Variants in PPARGC1A observed in about 807,000 individuals in gnomAD.
PPARGC1A encodes PPARG coactivator 1 alpha.
In PPARGC1A, 25 loss-of-function variants were observed where a neutral mutation model predicts 88.7. The observed-to-expected ratio is 0.28, with a 90% confidence interval of 0.21 to 0.39. The LOEUF (loss-of-function observed/expected upper bound fraction) is 0.39. Among genes scored for constraint, PPARGC1A ranks in the 10% least tolerant of loss-of-function variants. The pLI, the probability that PPARGC1A is intolerant of heterozygous loss-of-function variation, is 1.00. For missense variants in PPARGC1A, 880 were observed against 968.7 expected, an observed-to-expected ratio of 0.91 and a Z score of 1.22; for synonymous variants, 363 against 355.6, an observed-to-expected ratio of 1.02 and a Z score of -0.24.
chr4:24,146,280 A>G, the PPARGC1A span, among the ~76,000 whole-genome samples: 2 of 152,260 alleles, frequency 1.3e-5, no homozygotes, highest in African/African-American at 2.4e-5. Context: ...ATGCAAAACC[A>G]AAGTACAGAC....
At chr4:24,383,024 G>A in the PPARGC1A span, among the ~76,000 whole-genome samples, 3 of 152,342 alleles carry the variant, frequency 2.0e-5, no homozygotes, top group African/African-American at 4.8e-5. Context: ...AGCTTCCAGA[G>A]GAAGGAACGG....
At chr4:23,857,677 A>C (rs1262110286) in intron 2 of PPARGC1A, among the ~76,000 whole-genome samples, 2 of 151,592 alleles carry the variant, frequency 1.3e-5, no homozygotes, top group Non-Finnish European at 2.9e-5. Context: ...AATGCACCAC[A>C]CTTTCCTTTC....
chr4:23,876,978 A>T (rs1714827590), intron 2 of PPARGC1A, among the ~76,000 whole-genome samples: 1 of 152,172 alleles, frequency 6.6e-6, no homozygotes, highest in African/African-American at 2.4e-5. Flanking sequence ...AGAATCTGAA[A>T]CTGTGCAAAT....
chr4:24,265,574 C>T, the PPARGC1A span, among the ~76,000 whole-genome samples: 5 of 152,020 alleles, frequency 3.3e-5, no homozygotes, highest in African/African-American at 7.2e-5. Flanking sequence ...AACAGAAAAT[C>T]GATGCCGGGG....
At chr4:24,092,350 A>C in the PPARGC1A span, among the ~76,000 whole-genome samples, 1 of 152,176 alleles carries the variant, frequency 6.6e-6, no homozygotes, top group Non-Finnish European at 1.5e-5. Flanking sequence ...AGCACTTCAC[A>C]TGCAGAATGA....
the PPARGC1A span, among the ~76,000 whole-genome samples, chr4:24,185,547 A>C: frequency 6.6e-6 from 1 of 152,098 alleles, no homozygotes; most frequent in Admixed American, 6.5e-5. Context: ...TTCTCCCCTC[A>C]CCAGTACGAG....
chr4:24,197,811 A>G, the PPARGC1A span, among the ~76,000 whole-genome samples: 1 of 152,348 alleles, frequency 6.6e-6, no homozygotes, highest in African/African-American at 2.4e-5. Flanking sequence ...CCTTCTTCAC[A>G]GACCTGATGA....
chr4:24,189,240 T>C, the PPARGC1A span, among the ~76,000 whole-genome samples: 1 of 152,038 alleles, frequency 6.6e-6, no homozygotes, highest in South Asian at 2.1e-4. Flanking sequence ...GCTGCAAAAA[T>C]TACAAATATA....
At chr4:23,974,808 T>TTTTTTTTTTTTTTTTTTTTTTTTTTG in the PPARGC1A span, among the ~76,000 whole-genome samples, 1 of 128,568 alleles carries the variant, frequency 7.8e-6, no homozygotes, top group East Asian at 2.3e-4. Context: ...AATTTTTTTT[T>TTTTTTTTTTTTTTTTTTTTTTTTTTG]TTTTTTTTTT....
chr4:23,849,459 A>C (rs1728889570), intron 2 of PPARGC1A, among the ~76,000 whole-genome samples: 1 of 152,196 alleles, frequency 6.6e-6, no homozygotes, highest in East Asian at 1.9e-4. Context: ...AAAAAGGCTC[A>C]CAGATATTGC....
the PPARGC1A span, among the ~76,000 whole-genome samples, chr4:24,036,997 C>G: frequency 6.6e-6 from 1 of 152,142 alleles, no homozygotes; most frequent in Non-Finnish European, 1.5e-5. Flanking sequence ...ACAAGCATGT[C>G]TCAAGAGCTT....
the PPARGC1A span, chr4:24,091,729 A>T: frequency 1.3e-6 from 1 of 763,514 alleles, no homozygotes; most frequent in African/African-American, 1.9e-5. Context: ...CTACCCAGAC[A>T]GATGCCAACT....
intron 2 of PPARGC1A, among the ~76,000 whole-genome samples, chr4:23,832,342 G>A (rs533692770): frequency 3.3e-5 from 5 of 152,024 alleles, no homozygotes; most frequent in East Asian, 1.9e-4. Flanking sequence ...CATAAATCTC[G>A]AACTGCCTAC....
At chr4:24,013,955 A>G in the PPARGC1A span, among the ~76,000 whole-genome samples, 1 of 152,212 alleles carries the variant, frequency 6.6e-6, no homozygotes, top group Admixed American at 6.5e-5. Context: ...TGAACAGGAA[A>G]GAGCATTAAA....
intron 2 of PPARGC1A, chr4:23,876,041 A>C (rs1714628501): frequency 1.3e-5 from 2 of 152,232 alleles, no homozygotes; most frequent in Non-Finnish European, 2.9e-5. Flanking sequence ...CTTTCTACTA[A>C]AGTTCCAAGC....
the PPARGC1A span, among the ~76,000 whole-genome samples, chr4:24,088,371 AAAG>A: frequency 4.8e-4 from 73 of 152,160 alleles, no homozygotes; most frequent in South Asian, 0.013. Context: ...AAAAAAAAAG[AAAG>A]AAGAAGGAAG....
chr4:24,058,640 G>C, the PPARGC1A span, among the ~76,000 whole-genome samples: 1 of 152,128 alleles, frequency 6.6e-6, no homozygotes, highest in African/African-American at 2.4e-5. Flanking sequence ...GAGAGACAAA[G>C]GTAAAACTAA....
the PPARGC1A span, among the ~76,000 whole-genome samples, chr4:23,955,617 A>C: frequency 6.6e-6 from 1 of 152,108 alleles, no homozygotes; most frequent in South Asian, 2.1e-4. Context: ...TTAAAGCAAA[A>C]AAACTTGGGC....
chr4:24,370,308 C>A, the PPARGC1A span, among the ~76,000 whole-genome samples: 1 of 151,454 alleles, frequency 6.6e-6, no homozygotes. Context: ...CAGAAATGGT[C>A]AAAAATGGGC....
Sources: gnomAD v4.1 joint callset for allele counts (sites outside exome capture counted in the v4.1 genomes callset) on GRCh38, gnomAD v4.1.1 for gene constraint, MANE v1.5 for transcripts, NCBI Gene and HGNC (gene_info 2026-07-23, HGNC 2026-07-21) for gene names.